Variants in PDE5A observed in about 807,000 individuals in gnomAD.
PDE5A encodes cGMP-specific 3',5'-cyclic phosphodiesterase.
PDE5A carries 67 observed loss-of-function variants against 110.2 expected under a neutral mutation model. The ratio of observed to expected loss-of-function variants is 0.61; its 90% confidence interval spans 0.50 to 0.75. The LOEUF is 0.75. Ranked by LOEUF, PDE5A falls within the 30% of genes least tolerant of loss-of-function variation. The pLI is 0.00. For missense variants in PDE5A, 862 were observed against 1,045.1 expected, an observed-to-expected ratio of 0.82 and a Z score of 2.42; for synonymous variants, 328 against 351.2, an observed-to-expected ratio of 0.93 and a Z score of 0.74.
chr4:119,628,719 C>T lies in PDE5A; in HGVS notation c.-48G>A. On this transcript the variant is annotated 5_prime_UTR_variant, in exon 1 of 21. Coordinates refer to ENST00000354960, the MANE Select transcript of PDE5A (RefSeq NM_001083.4). ...GGCTCTCTGGTACTGCTTTTCCACC[C>T]CAGCTGGGGTCCGTCCCTCAGAAGA... is the stretch of plus-strand genomic sequence containing the variant. The T allele has an allele frequency of 6.3e-7, 1 of 1,599,890 alleles. No individual in the cohort carries two copies.
Position 119,600,191 on chromosome 4 carries a change from T to C in PDE5A, c.742-3579A>G, listed in dbSNP as rs536382474. On this transcript the variant is annotated intron_variant, in intron 2 of 20. Transcript: ENST00000354960. ...TGTGGCTTGAGCACATGAGTATATA[T>C]ATATATAAAAAGAGTAAGGAAGCCT... 8.6e-5 allele frequency among the ~76,000 whole-genome samples: 13 copies of C among 151,808 alleles called. No individual in the cohort carries two copies. The East Asian group carries it at 2.3e-3, about 27-fold the overall frequency.
At chr4:119,529,436 G>C (rs1024038344) in intron 11 of PDE5A, among the ~76,000 whole-genome samples, 4 of 152,114 alleles carry the variant, frequency 2.6e-5, no homozygotes, top group Non-Finnish European at 4.4e-5. Flanking sequence ...TGACTCTCTT[G>C]CAACTTGGAT....
At chr4:119,546,053 T>C (rs1287765172) in intron 9 of PDE5A, among the ~76,000 whole-genome samples, 1 of 152,156 alleles carries the variant, frequency 6.6e-6, no homozygotes, top group East Asian at 1.9e-4. Flanking sequence ...ATATTATATA[T>C]AAACCTATAT....
chr4:119,510,141 T>G (rs573726021), intron 15 of PDE5A, among the ~76,000 whole-genome samples: 1 of 152,080 alleles, frequency 6.6e-6, no homozygotes, highest in African/African-American at 2.4e-5. Context: ...CTTTAAATCA[T>G]GTTCAAAATT....
intron 11 of PDE5A, among the ~76,000 whole-genome samples, chr4:119,526,678 A>C (rs1321598878): frequency 6.6e-6 from 1 of 152,146 alleles, no homozygotes; most frequent in African/African-American, 2.4e-5. Flanking sequence ...GGAAGTCAAA[A>C]GGTCAAAATA....
chr4:119,562,562 G>A (rs113292983), intron 6 of PDE5A, among the ~76,000 whole-genome samples: 1 of 152,088 alleles, frequency 6.6e-6, no homozygotes, highest in Non-Finnish European at 1.5e-5. Flanking sequence ...GGTAGAAGCA[G>A]CACACAGACA....
chr4:119,527,702 C>T (rs1726375687), intron 11 of PDE5A, among the ~76,000 whole-genome samples: 2 of 151,156 alleles, frequency 1.3e-5, no homozygotes, highest in South Asian at 4.1e-4. Context: ...GACTTTTATT[C>T]ATTAGAATTA....
intron 1 of PDE5A, among the ~76,000 whole-genome samples, chr4:119,622,024 AT>A (rs1730164713): frequency 6.6e-6 from 1 of 151,934 alleles, no homozygotes. Flanking sequence ...AATACAAAAC[AT>A]TAGCCAGGCA....
chr4:119,600,841 A>G (rs950785890), intron 2 of PDE5A, among the ~76,000 whole-genome samples: 2 of 152,204 alleles, frequency 1.3e-5, no homozygotes, highest in Non-Finnish European at 2.9e-5. Flanking sequence ...TGATGAACAC[A>G]GTATTTACAC....
chr4:119,553,441 T>A (rs1245815319), intron 8 of PDE5A, among the ~76,000 whole-genome samples, 197 bp downstream of exon 8: 1 of 152,074 alleles, frequency 6.6e-6, no homozygotes, highest in Non-Finnish European at 1.5e-5. Flanking sequence ...GTGAAAAAAG[T>A]ACAAAGAAAA....
At chr4:119,625,011 CTT>C (rs536749949) in intron 1 of PDE5A, among the ~76,000 whole-genome samples, 23 of 139,164 alleles carry the variant, frequency 1.7e-4, no homozygotes, top group Admixed American at 2.9e-4. Context: ...CAAGTTATAG[CTT>C]TTTTTTTTTT....
intron 11 of PDE5A, among the ~76,000 whole-genome samples, chr4:119,535,392 A>G (rs1402413766): frequency 2.0e-5 from 3 of 152,202 alleles, no homozygotes; most frequent in African/African-American, 4.8e-5. Flanking sequence ...CAGCCTTCCA[A>G]GAAGGTTTGC....
Position 119,504,612 on chromosome 4 carries a change from AAAG to A in PDE5A, c.2268-16_2268-14del. On this transcript the variant is annotated splice_polypyrimidine_tract_variant and intron_variant, in intron 17 of 20. Coordinates refer to ENST00000354960, the MANE Select transcript of PDE5A (RefSeq NM_001083.4). ...CATCAGCATTGCCCTGTTATGGAAA[AAAG>A]AAACCCAAAACTCCTATTTACTTTT... is the stretch of plus-strand genomic sequence containing the variant. 6.2e-7 allele frequency: 1 copy of A among 1,607,858 alleles called. No individual in the cohort carries two copies. The highest frequency in any genetic ancestry group is 8.5e-7 in the Non-Finnish European group (1 of 1,176,186).
At chr4:119,592,507 C>T (rs1181489704) in intron 3 of PDE5A, among the ~76,000 whole-genome samples, 1 of 139,024 alleles carries the variant, frequency 7.2e-6, no homozygotes, top group Non-Finnish European at 1.5e-5. Context: ...TGGAAGCCCT[C>T]TCTTGAATAA....
At chr4:119,576,467 C>T (rs1340160043) in intron 3 of PDE5A, among the ~76,000 whole-genome samples, 11 of 152,204 alleles carry the variant, frequency 7.2e-5, no homozygotes, top group African/African-American at 2.4e-4. Flanking sequence ...TGTAAAAGAA[C>T]AGAAATTATA....
At chr4:119,628,451 G>C in intron 1 of PDE5A, 69 bp downstream of exon 1, 1 of 1,327,946 alleles carries the variant, frequency 7.5e-7, no homozygotes, top group African/African-American at 1.5e-5. Flanking sequence ...GGGAACAGGG[G>C]TGAACGAAGG....
At chr4:119,564,218 A>G (rs1241524440) in intron 5 of PDE5A, among the ~76,000 whole-genome samples, 3 of 152,078 alleles carry the variant, frequency 2.0e-5, no homozygotes, top group African/African-American at 7.2e-5. Flanking sequence ...TAAGGACAAC[A>G]TGGATGCTAG....
Position 119,596,621 on chromosome 4 carries a change from GA to G in PDE5A, c.742-10del. On this transcript the variant is annotated splice_polypyrimidine_tract_variant and intron_variant, in intron 2 of 20. Transcript: ENST00000354960. Reference sequence around the variant, plus strand: ...GCATTGAACCGAGGATCCTAGTATGGAAAAAGAAATTCAATTTAATGACTGA... The same window carrying G: ...GCATTGAACCGAGGATCCTAGTATGGAAAAGAAATTCAATTTAATGACTGA... 2.6e-6 allele frequency: 4 copies of G among 1,511,790 alleles called. No homozygotes were observed. The highest frequency in any genetic ancestry group is 2.3e-5 in the East Asian group (1 of 43,494). The allele number at this position is 1,511,790 out of a possible 1,614,324, so 93.6% of individuals were successfully genotyped here.
chr4:119,584,967 T>G (rs10434031), intron 3 of PDE5A, among the ~76,000 whole-genome samples: 4,345 of 152,308 alleles, frequency 0.029, 88 homozygotes, highest in South Asian at 0.069. Context: ...ACTGTTAGTA[T>G]TTGTGGCATA....
Sources: allele counts gnomAD v4.1 joint callset (sites outside exome capture counted in the v4.1 genomes callset), GRCh38; gene constraint gnomAD v4.1.1; transcripts MANE v1.5; gene names NCBI Gene and HGNC (gene_info 2026-07-23, HGNC 2026-07-21).